Variants in NUP210L observed in about 807,000 individuals in gnomAD.
NUP210L encodes the protein nuclear pore membrane glycoprotein 210-like.
Under a neutral mutation model 208.5 loss-of-function variants are expected in NUP210L, and 74 were observed. That is an observed-to-expected ratio of 0.35 (90% CI 0.29 to 0.43). The LOEUF (loss-of-function observed/expected upper bound fraction) is 0.43, where lower values mean the gene tolerates loss of function less well. NUP210L is among the 20% of genes least tolerant of loss of function. NUP210L has a pLI of 1.00. For synonymous variants in NUP210L, 780 were observed against 816.9 expected (o/e 0.95, Z 0.77); for missense variants, 1,843 against 2,289.4 (o/e 0.81, Z 3.98).
At chr1:154,061,157 C>T in intron 18 of NUP210L, 111 bp from the exon 19 acceptor site, 1 of 669,392 alleles carries the variant, frequency 1.5e-6, no homozygotes. Context: ...GCAGGCAGAT[C>T]ACCTGAGGCC....
chr1:154,129,495 T>C, intron 7 of NUP210L, 150 bp from the exon 8 acceptor site: 1 of 599,432 alleles, frequency 1.7e-6, no homozygotes, highest in Non-Finnish European at 2.9e-6. Flanking sequence ...AAAACTTAAA[T>C]GTGTATACTT....
exon 28 of NUP210L, chr1:154,030,054 C>G (rs1349691251): frequency 6.4e-7 from 1 of 1,572,568 alleles, no homozygotes; most frequent in Non-Finnish European, 8.6e-7. Flanking sequence ...TGTAGAAAAA[C>G]CTAGACAGTG....
At chr1:154,127,461 T>A (rs754119685) in intron 8 of NUP210L, 44 bp from the exon 9 acceptor site, 1 of 924,578 alleles carries the variant, frequency 1.1e-6, no homozygotes, top group Non-Finnish European at 1.7e-6. Flanking sequence ...GAGGCTAACA[T>A]TTTTCTACAA....
At chr1:154,114,345 T>C (rs546525341) in intron 12 of NUP210L, among the ~76,000 whole-genome samples, 4 of 152,242 alleles carry the variant, frequency 2.6e-5, no homozygotes, top group African/African-American at 9.6e-5. Context: ...TTTGCCACTT[T>C]CTATGTTTCT....
intron 27 of NUP210L, among the ~76,000 whole-genome samples, chr1:154,033,155 T>C (rs1161738557): frequency 1.3e-5 from 2 of 152,206 alleles, no homozygotes; most frequent in Non-Finnish European, 2.9e-5. Flanking sequence ...TAATCCTTTG[T>C]TAGATGGATA....
At chr1:154,108,471 A>C (rs1471126283) in intron 12 of NUP210L, among the ~76,000 whole-genome samples, 1 of 151,846 alleles carries the variant, frequency 6.6e-6, no homozygotes, top group African/African-American at 2.4e-5. Flanking sequence ...ACCAGCCTAG[A>C]GTTTTGATTA....
chr1:154,146,082 A>G (rs987828790), intron 2 of NUP210L, among the ~76,000 whole-genome samples: 3 of 152,164 alleles, frequency 2.0e-5, no homozygotes, highest in Non-Finnish European at 4.4e-5. Flanking sequence ...CCTTGAAGAA[A>G]TGGCTAAGAT....
chr1:154,122,924 A>T (rs1379570059), intron 10 of NUP210L, among the ~76,000 whole-genome samples: 2 of 151,010 alleles, frequency 1.3e-5, no homozygotes, highest in Non-Finnish European at 3.0e-5. Flanking sequence ...GGTGGAATGC[A>T]CCTGTAGTCC....
chr1:154,078,885 C>T (rs951057441), intron 16 of NUP210L: 5 of 152,088 alleles, frequency 3.3e-5, no homozygotes, highest in African/African-American at 1.2e-4. Context: ...ATCATGAAGC[C>T]CAGTGATGAA....
chr1:154,149,178 C>T (rs1252202522), intron 2 of NUP210L, among the ~76,000 whole-genome samples: 3 of 149,644 alleles, frequency 2.0e-5, no homozygotes, highest in Non-Finnish European at 3.0e-5. Context: ...CTCCACCTCC[C>T]GGGTCCAAGT....
At chr1:154,077,356 ACT>A (rs1655090560) in intron 16 of NUP210L, among the ~76,000 whole-genome samples, 1 of 151,948 alleles carries the variant, frequency 6.6e-6, no homozygotes, top group African/African-American at 2.4e-5. Context: ...ACACAGCGAT[ACT>A]CTGTCTCAAA....
chr1:154,023,328 A>G lies in NUP210L; in HGVS notation c.4123-31T>C, dbSNP rs934962869. 1.0e-5 allele frequency: 16 copies of G among 1,559,332 alleles called. No individual in the cohort carries two copies. The African/African-American group carries it at 1.9e-4, about 19-fold the overall frequency. On this transcript the variant is annotated intron_variant, in intron 30 of 39. Transcript: ENST00000368559. Reference sequence around the variant, plus strand: ...GGAGACAAAACCTACTGGTACAGAGAAAGATGCACTGGAGAAGTGCTGCAA... The same window carrying G: ...GGAGACAAAACCTACTGGTACAGAGGAAGATGCACTGGAGAAGTGCTGCAA...
At chr1:154,009,907 G>A in intron 35 of NUP210L, 65 bp downstream of exon 35, 3 of 1,335,764 alleles carry the variant, frequency 2.2e-6, no homozygotes, top group Non-Finnish European at 3.1e-6. Context: ...AATCCAATAA[G>A]AATGGGACAA....
At chr1:154,117,952 C>G in intron 11 of NUP210L, 72 bp from the exon 12 acceptor site, 1 of 1,082,902 alleles carries the variant, frequency 9.2e-7, no homozygotes, top group Non-Finnish European at 1.4e-6. Flanking sequence ...TAAAACTTGA[C>G]TGGTGAAATA....
At chr1:154,104,068 T>A in exon 13 of NUP210L, 1 of 1,614,118 alleles carries the variant, frequency 6.2e-7, no homozygotes, top group Non-Finnish European at 8.5e-7. Context: ...CAAGGATAAA[T>A]GAGAGCAGTC....
intron 14 of NUP210L, among the ~76,000 whole-genome samples, chr1:154,097,228 T>TA (rs1478575762): frequency 6.6e-6 from 1 of 152,156 alleles, no homozygotes; most frequent in African/African-American, 2.4e-5. Context: ...GCTGATAATA[T>TA]AAAAGGACAA....
chr1:154,056,926 T>C (rs1235078438), exon 23 of NUP210L: 2 of 1,609,220 alleles, frequency 1.2e-6, no homozygotes, highest in Non-Finnish European at 1.7e-6. Flanking sequence ...TTTCAGAGTA[T>C]TCGTCCTGTT....
chr1:154,132,897 C>T (rs1024538879), intron 7 of NUP210L, among the ~76,000 whole-genome samples: 1 of 152,140 alleles, frequency 6.6e-6, no homozygotes, highest in Non-Finnish European at 1.5e-5. Context: ...AAATACTGTA[C>T]CTTTCAAGTC....
intron 1 of NUP210L, among the ~76,000 whole-genome samples, chr1:154,153,784 A>G (rs1411441823): frequency 1.3e-5 from 2 of 152,302 alleles, no homozygotes; most frequent in East Asian, 3.9e-4. Context: ...AATGGCTTTC[A>G]ATGCTGGAAA....
Sources: gnomAD v4.1 joint callset for allele counts (sites outside exome capture counted in the v4.1 genomes callset) on GRCh38, gnomAD v4.1.1 for gene constraint, MANE v1.5 for transcripts, NCBI Gene and HGNC (gene_info 2026-07-23, HGNC 2026-07-21) for gene names.